MYO3B: variants seen among roughly 807,000 people sequenced by gnomAD.
MYO3B encodes myosin IIIB, also known as myosin-IIIb.
MYO3B carries 156 observed loss-of-function variants against 174.6 expected under a neutral mutation model. The ratio of observed to expected loss-of-function variants is 0.89; its 90% CI spans 0.78 to 1.02. The LOEUF (loss-of-function observed/expected upper bound fraction) is 1.02, where lower values mean the gene tolerates loss of function less well. Ranked by LOEUF, MYO3B falls within the 50% of genes least tolerant of loss-of-function variation. The pLI, the probability that MYO3B is intolerant of heterozygous loss-of-function variation, is 0.00. For missense variants in MYO3B, 1,632 were observed against 1,639.4 expected, an observed-to-expected ratio of 1.00 and a Z score of 0.08; for synonymous variants, 563 against 569.1, an observed-to-expected ratio of 0.99 and a Z score of 0.15.
intron 32 of MYO3B, among the ~76,000 whole-genome samples, chr2:170,545,243 T>G (rs1690402029): frequency 6.6e-6 from 1 of 152,190 alleles, no homozygotes; most frequent in African/African-American, 2.4e-5. Flanking sequence ...CCTGCCTGGA[T>G]TCAAATCTCT....
intron 6 of MYO3B, among the ~76,000 whole-genome samples, chr2:170,228,679 A>C (rs1331711631): frequency 6.6e-6 from 1 of 152,170 alleles, no homozygotes; most frequent in Non-Finnish European, 1.5e-5. Flanking sequence ...AAGCTGGTGT[A>C]GTGTAAGCGT....
chr2:170,471,958 T>C (rs1685001503), intron 25 of MYO3B, among the ~76,000 whole-genome samples: 1 of 148,344 alleles, frequency 6.7e-6, no homozygotes, highest in Non-Finnish European at 1.5e-5. Context: ...GCCATTGCAC[T>C]CCAGCCTGGG....
intron 32 of MYO3B, among the ~76,000 whole-genome samples, chr2:170,624,830 G>C (rs1310867275): frequency 6.6e-6 from 1 of 152,094 alleles, no homozygotes; most frequent in African/African-American, 2.4e-5. Flanking sequence ...TAATCATGTG[G>C]TTTTTCTCTT....
At chr2:170,483,434 T>C (rs1289583636) in intron 25 of MYO3B, among the ~76,000 whole-genome samples, 2 of 107,842 alleles carry the variant, frequency 1.9e-5, no homozygotes, top group Admixed American at 2.0e-4. Context: ...TCGCCCAGGC[T>C]GGAGTGCAGT....
At chr2:170,288,410 T>A (rs1480752231) in intron 7 of MYO3B, among the ~76,000 whole-genome samples, 4 of 152,016 alleles carry the variant, frequency 2.6e-5, no homozygotes, top group African/African-American at 7.2e-5. Context: ...TTCATCCAAG[T>A]TTTATAGTTT....
chr2:170,490,368 G>A (rs1184384576), intron 25 of MYO3B, among the ~76,000 whole-genome samples: 2 of 152,172 alleles, frequency 1.3e-5, no homozygotes, highest in Non-Finnish European at 1.5e-5. Context: ...ATATATAGAA[G>A]TACAATGATT....
chr2:170,602,650 T>G (rs1271947818), intron 32 of MYO3B, among the ~76,000 whole-genome samples: 1 of 152,194 alleles, frequency 6.6e-6, no homozygotes, highest in Non-Finnish European at 1.5e-5. Flanking sequence ...TCCTTTTTGA[T>G]TCTCTTCTTT....
At chr2:170,484,759 C>G (rs967520386) in intron 25 of MYO3B, among the ~76,000 whole-genome samples, 4 of 151,992 alleles carry the variant, frequency 2.6e-5, no homozygotes, top group African/African-American at 9.7e-5. Flanking sequence ...AGATGGTGGC[C>G]AGCTGTTCTG....
Position 170,349,797 on chromosome 2 carries a change from C to CA in MYO3B, c.815+14363dup, listed in dbSNP as rs528799752. 5.4e-3 allele frequency: 509 copies of CA among 94,280 alleles called. 14 individuals are homozygous for CA. Among genetic ancestry groups the CA allele is most frequent in the South Asian group, 0.035 (88 of 2,502 alleles). The allele number at this position is 94,280 out of a possible 1,614,324, so 5.8% of individuals were successfully genotyped here. ...TGAGCGATGGAATGAGACCCTGTCTCAAAAAAAAAAAAAAAAGAAAGAAAG... is the reference window on the plus strand; with the variant it reads ...TGAGCGATGGAATGAGACCCTGTCTCAAAAAAAAAAAAAAAAAGAAAGAAAG... On this transcript the variant is annotated intron_variant, in intron 8 of 34. Transcript: ENST00000408978.
intron 7 of MYO3B, among the ~76,000 whole-genome samples, chr2:170,301,765 G>A (rs1461459683): frequency 2.6e-5 from 4 of 151,832 alleles, no homozygotes; most frequent in Non-Finnish European, 2.9e-5. Context: ...TGGCAGTGAC[G>A]ACACGTGGTC....
chr2:170,379,331 G>A (rs936142329), intron 9 of MYO3B, among the ~76,000 whole-genome samples: 4 of 151,880 alleles, frequency 2.6e-5, no homozygotes, highest in East Asian at 1.9e-4. Flanking sequence ...AGTAGCTGGG[G>A]CTACAGGCGT....
At chr2:170,327,588 C>T (rs2093878207) in intron 7 of MYO3B, among the ~76,000 whole-genome samples, 1 of 152,182 alleles carries the variant, frequency 6.6e-6, no homozygotes, top group Admixed American at 6.5e-5. Flanking sequence ...GACATTTCCC[C>T]ATCTAATGTT....
intron 7 of MYO3B, among the ~76,000 whole-genome samples, chr2:170,319,662 C>T (rs2105490890): frequency 6.6e-6 from 1 of 152,196 alleles, no homozygotes; most frequent in South Asian, 2.1e-4. Context: ...AAACATTAGT[C>T]TACACAACTG....
chr2:170,407,331 T>G (rs189475481), intron 21 of MYO3B, among the ~76,000 whole-genome samples: 8 of 152,070 alleles, frequency 5.3e-5, no homozygotes, highest in African/African-American at 1.9e-4. Context: ...CGTGGTGACA[T>G]GTACCTGTGG....
chr2:170,593,940 A>AG (rs1189201482), intron 32 of MYO3B, among the ~76,000 whole-genome samples: 1 of 152,194 alleles, frequency 6.6e-6, no homozygotes, highest in African/African-American at 2.4e-5. Flanking sequence ...ATATTCATAA[A>AG]GACACTGTCA....
chr2:170,581,859 C>T (rs746829418), intron 32 of MYO3B, among the ~76,000 whole-genome samples: 7 of 152,080 alleles, frequency 4.6e-5, no homozygotes, highest in Non-Finnish European at 7.4e-5. Context: ...GCTATCTTCT[C>T]AGGCAAGATT....
At chr2:170,465,361 CTT>C (rs1233625670) in intron 24 of MYO3B, among the ~76,000 whole-genome samples, 1 of 152,092 alleles carries the variant, frequency 6.6e-6, no homozygotes, top group African/African-American at 2.4e-5. Flanking sequence ...ATCCCAGACT[CTT>C]TTAAACAACC....
intron 7 of MYO3B, among the ~76,000 whole-genome samples, chr2:170,254,778 A>T (rs2093289475): frequency 6.6e-6 from 1 of 152,118 alleles, no homozygotes; most frequent in African/African-American, 2.4e-5. Context: ...CCAGCATGGG[A>T]ACTGGGTATC....
intron 32 of MYO3B, among the ~76,000 whole-genome samples, chr2:170,549,674 C>T (rs749472551): frequency 2.0e-5 from 3 of 152,176 alleles, no homozygotes; most frequent in Non-Finnish European, 4.4e-5. Context: ...TTTCCTGTGA[C>T]AGAAATGTTT....
Sources: gnomAD v4.1 joint callset for allele counts (sites outside exome capture counted in the v4.1 genomes callset) on GRCh38, gnomAD v4.1.1 for gene constraint, MANE v1.5 for transcripts, NCBI Gene and HGNC (gene_info 2026-07-23, HGNC 2026-07-21) for gene names.